SAR1A: variants seen among roughly 807,000 people sequenced by gnomAD.
The protein encoded by SAR1A is secretion associated Ras related GTPase 1A.
Under a neutral mutation model 22.6 loss-of-function variants are expected in SAR1A, and 6 were observed. The observed-to-expected ratio is 0.27, with a 90% CI of 0.15 to 0.52. SAR1A has a LOEUF of 0.52. Ranked by LOEUF, SAR1A falls within the 20% of genes least tolerant of loss-of-function variation. The pLI, the probability that SAR1A is intolerant of heterozygous loss-of-function variation, is 0.96. For missense variants in SAR1A, 145 were observed against 245.1 expected (o/e 0.59, Z 2.73); for synonymous variants, 70 against 82.2 (o/e 0.85, Z 0.80).
rs567701680 is a variant in SAR1A, at chr10:70,148,820, T to C, written c.*3656A>G. ...AAACAAACAAACAAACAAACAAACT[T>C]TCTCTCTCGAGTCCAGTGATTCTCC... On this transcript the variant is annotated 3_prime_UTR_variant, in exon 7 of 7. Transcript: ENST00000373241. 3 of 137,508 alleles carry C rather than the reference T, an allele frequency of 2.2e-5. No individual in the cohort carries two copies. The highest frequency in any genetic ancestry group is 4.7e-4 in the East Asian group (2 of 4,228). 8.5% of individuals were successfully genotyped at this position (137,508 alleles called of 1,614,324 possible).
chr10:70,160,606 A>T (rs1839456866), intron 4 of SAR1A, among the ~76,000 whole-genome samples: 1 of 152,226 alleles, frequency 6.6e-6, no homozygotes, highest in South Asian at 2.1e-4. Context: ...TTCCAGTTAC[A>T]AGGTAAATTA....
intron 5 of SAR1A, among the ~76,000 whole-genome samples, chr10:70,154,278 G>A (rs1019383919): frequency 3.3e-5 from 5 of 152,176 alleles, no homozygotes; most frequent in African/African-American, 1.2e-4. Context: ...ACTATCCTCA[G>A]GATGTCCCTC....
Position 70,148,055 on chromosome 10 carries a change from T to G in SAR1A, c.*4421A>C, listed in dbSNP as rs1839282878. 1.3e-5 allele frequency: 2 copies of G among 152,182 alleles called. No individual in the cohort carries two copies. The highest frequency in any genetic ancestry group is 4.1e-4 in the South Asian group (2 of 4,828). 9.4% of individuals were successfully genotyped at this position (152,182 alleles called of 1,614,324 possible). A position where few individuals can be genotyped will look rare whatever the true frequency, so the allele number is the denominator to read the frequency against. The stretch of plus-strand genomic sequence containing the variant: ...CACCACGCCCAGCTAATTTTTTGTA[T>G]TTTTAGTAGAGACGGGGTTTCACCG... On this transcript the variant is annotated 3_prime_UTR_variant, in exon 7 of 7. Transcript: ENST00000373241.
In SAR1A at chr10:70,148,250, G is replaced by A. The variant is rs1839286200; in HGVS notation, c.*4226C>T. The A allele has an allele frequency of 6.6e-6, 1 of 152,150 alleles. No individual in the cohort carries two copies. Among genetic ancestry groups the A allele is most frequent in the Non-Finnish European group, 1.5e-5 (1 of 68,044 alleles). The allele number at this position is 152,150 out of a possible 1,614,324, so 9.4% of individuals were successfully genotyped here. A position where few individuals can be genotyped will look rare whatever the true frequency, so the allele number is the denominator to read the frequency against. ...GCTACTTAAATTCTCTAATCTTTCT[G>A]CCTGAATTCTTTAAATAAAGTTAAC... On this transcript the variant is annotated 3_prime_UTR_variant, in exon 7 of 7. Transcript: ENST00000373241.
intron 5 of SAR1A, 44 bp from the exon 6 acceptor site, chr10:70,154,013 TG>T (rs1264764962): frequency 1.4e-6 from 2 of 1,462,058 alleles, no homozygotes; most frequent in Non-Finnish European, 1.8e-6. Context: ...AAGAATTAAG[TG>T]AGGAATCTAC....
At chr10:70,155,058 A>G (rs1359127001) in intron 5 of SAR1A, 1 of 519,870 alleles carries the variant, frequency 1.9e-6, no homozygotes, top group Admixed American at 2.0e-5. Context: ...ATGCAGCGAC[A>G]AAGTAAATGG....
At chr10:70,165,351 A>G (rs936075788) in intron 1 of SAR1A, among the ~76,000 whole-genome samples, 2 of 152,204 alleles carry the variant, frequency 1.3e-5, no homozygotes, top group Non-Finnish European at 2.9e-5. Flanking sequence ...GGCAAAGTAA[A>G]CTGAAAACCT....
intron 5 of SAR1A, among the ~76,000 whole-genome samples, chr10:70,156,831 G>T (rs1839394594): frequency 6.6e-6 from 1 of 152,132 alleles, no homozygotes. Flanking sequence ...AGAAAGAAGA[G>T]ATATAGGGTA....
chr10:70,154,116 G>C, intron 5 of SAR1A, 147 bp from the exon 6 acceptor site: 1 of 565,684 alleles, frequency 1.8e-6, no homozygotes, highest in Non-Finnish European at 3.0e-6. Context: ...ATACCTGAGT[G>C]ATTAAAGATT....
intron 1 of SAR1A, among the ~76,000 whole-genome samples, chr10:70,165,264 CAAAAAAAAAAAA>C (rs34191043): frequency 2.2e-5 from 2 of 92,918 alleles, no homozygotes; most frequent in Non-Finnish European, 4.3e-5. Flanking sequence ...GACTCCGTCT[CAAAAAAAAAAAA>C]AAAAAAAAAG....
Position 70,152,558 on chromosome 10 carries a change from G to C in SAR1A, c.515C>G (p.Pro172Arg). The change falls in exon 7 of 7, where the codon CCC becomes CGC. Residue 172 changes from proline (P) to arginine (R), a missense_variant. Coordinates refer to ENST00000373241, the MANE Select transcript of SAR1A (RefSeq NM_020150.5). ...CACACTGCACATGAACACTTCCATG[G>C]GGCGAGCATTCAGCTCCTTCAGGGT... Reference protein sequence around the residue: ...NVTLKELNARPMEVFMCSVLK... With the variant: ...NVTLKELNARRMEVFMCSVLK... 1 of 1,614,084 alleles carries C rather than the reference G, an allele frequency of 6.2e-7. No individual in the cohort carries two copies.
chr10:70,164,481 ACT>A (rs781579642), intron 1 of SAR1A, among the ~76,000 whole-genome samples: 15 of 152,114 alleles, frequency 9.9e-5, no homozygotes, highest in Non-Finnish European at 1.5e-4. Context: ...TGGAGTTGTA[ACT>A]CTGTGTGGAC....
chr10:70,160,033 T>C (rs1205571862), intron 4 of SAR1A, among the ~76,000 whole-genome samples: 1 of 152,240 alleles, frequency 6.6e-6, no homozygotes, highest in Non-Finnish European at 1.5e-5. Context: ...TGTATTACTT[T>C]TGCAACTTTT....
chr10:70,152,454 T>C lies in SAR1A; in HGVS notation c.*22A>G, dbSNP rs1440577132. 1 of 1,552,966 alleles carries C rather than the reference T, an allele frequency of 6.4e-7. No homozygotes were observed. The highest frequency in any genetic ancestry group is 8.9e-7 in the Non-Finnish European group (1 of 1,124,336). Reference sequence around the variant, plus strand: ...GGATCAGTCCAGAGAAGTAAAACTCTTTTATTTTCACCGTCCAAACATCAG... The same window carrying C: ...GGATCAGTCCAGAGAAGTAAAACTCCTTTATTTTCACCGTCCAAACATCAG... On this transcript the variant is annotated 3_prime_UTR_variant, in exon 7 of 7. Coordinates refer to ENST00000373241, the MANE Select transcript of SAR1A (RefSeq NM_020150.5).
chr10:70,170,020 A>T (rs879712514), intron 1 of SAR1A, among the ~76,000 whole-genome samples: 9 of 152,060 alleles, frequency 5.9e-5, no homozygotes, highest in Non-Finnish European at 1.3e-4. Context: ...GGCCAGCCTC[A>T]GTCTCCGAGT....
chr10:70,150,539 G>A lies in SAR1A; in HGVS notation c.*1937C>T, dbSNP rs923037056. ...CCACAGATTTCTAGCTTGCAACAAA[G>A]TGACAAGGGACAAATAGGGGAAAAA... On this transcript the variant is annotated 3_prime_UTR_variant, in exon 7 of 7. Coordinates refer to ENST00000373241, the MANE Select transcript of SAR1A (RefSeq NM_020150.5). The A allele has an allele frequency of 1.3e-5, 2 of 151,994 alleles. No individual in the cohort carries two copies. The highest frequency in any genetic ancestry group is 4.8e-5 in the African/African-American group (2 of 41,398). The allele number at this position is 151,994 out of a possible 1,614,324, so 9.4% of individuals were successfully genotyped here.
At chr10:70,154,052 G>A in intron 5 of SAR1A, 83 bp from the exon 6 acceptor site, 1 of 1,054,340 alleles carries the variant, frequency 9.5e-7, no homozygotes, top group South Asian at 1.7e-5. Context: ...TGAAAATTCT[G>A]ACTTCCACTA....
chr10:70,153,417 G>GC (rs1343231934), intron 6 of SAR1A, among the ~76,000 whole-genome samples: 2 of 152,122 alleles, frequency 1.3e-5, no homozygotes, highest in Non-Finnish European at 2.9e-5. Context: ...ACCTCTCTCA[G>GC]CAAGAAGCAA....
At chr10:70,154,975 C>A in intron 5 of SAR1A, 1 of 419,844 alleles carries the variant, frequency 2.4e-6, no homozygotes, top group South Asian at 1.8e-5. Context: ...ACATAAACAA[C>A]GGCTTTGCAT....
Sources: gnomAD v4.1 joint callset for allele counts (sites outside exome capture counted in the v4.1 genomes callset) on GRCh38, gnomAD v4.1.1 for gene constraint, MANE v1.5 for transcripts, NCBI Gene and HGNC (gene_info 2026-07-23, HGNC 2026-07-21) for gene names.